The following MTMR3 variants were observed in gnomAD, a reference collection of about 807,000 sequenced individuals.
MTMR3 encodes phosphatidylinositol-3,5-bisphosphate 3-phosphatase MTMR3.
In MTMR3, 32 loss-of-function variants were observed where a neutral mutation model predicts 132.4. The ratio of observed to expected loss-of-function variants is 0.24; its 90% CI spans 0.18 to 0.32. MTMR3 has a LOEUF of 0.32. Among genes scored for constraint, MTMR3 ranks in the 10% least tolerant of loss-of-function variants. The pLI is 1.00. For synonymous variants in MTMR3, 556 were observed against 550.3 expected (o/e 1.01, Z -0.14); for missense variants, 1,216 against 1,489.6 (o/e 0.82, Z 3.02).
At chr22:30,023,679 T>A in intron 19 of MTMR3, 1 of 628,458 alleles carries the variant, frequency 1.6e-6, no homozygotes, top group Non-Finnish European at 2.9e-6. Context: ...GCTGCAGCCA[T>A]GTGCTCCCCT....
rs376731600 is a variant in MTMR3 at position 30,013,354 on chromosome 22, A to G, written c.1318-2A>G. On this transcript the variant is annotated splice_acceptor_variant, in intron 13 of 19. Transcript: ENST00000401950. LOFTEE classifies it high-confidence loss of function. The stretch of plus-strand genomic sequence containing the variant: ...TGGTCTCTCCTGGATGCTTCCCTGC[A>G]GGGTTTCCAGGTCCTCGTGGAAATG... 6.2e-7 allele frequency: 1 copy of G among 1,613,520 alleles called. No individual in the cohort carries two copies. Among genetic ancestry groups the G allele is most frequent in the Non-Finnish European group, 8.5e-7 (1 of 1,179,704 alleles).
rs577029170 is a variant in MTMR3, at chr22:29,916,054, T to A, written c.-138+32695T>A. ...TTTTCCTATCTTCTGTTCTTTTTGC[T>A]ATTGTCATACATTTTACTTTTGGAT... On this transcript the variant is annotated intron_variant, in intron 1 of 19. Transcript: ENST00000401950. Among the ~76,000 whole-genome samples, 150 of 152,374 alleles carry A rather than the reference T, an allele frequency of 9.8e-4. 1 individual carries two copies. The highest frequency in any genetic ancestry group is 3.5e-3 in the African/African-American group (144 of 41,590).
At chr22:29,939,613 C>T (rs1241912977) in intron 1 of MTMR3, among the ~76,000 whole-genome samples, 1 of 152,122 alleles carries the variant, frequency 6.6e-6, no homozygotes, top group Non-Finnish European at 1.5e-5. Context: ...TCAAGGTAGA[C>T]CTTAGTGACT....
At chr22:29,956,315 CG>C (rs1356221211) in intron 1 of MTMR3, among the ~76,000 whole-genome samples, 3 of 152,066 alleles carry the variant, frequency 2.0e-5, no homozygotes, top group Non-Finnish European at 4.4e-5. Flanking sequence ...GGCGTGATCT[CG>C]GCTCACTGAA....
In MTMR3 at chr22:30,013,206, A is replaced by G; in HGVS notation, c.1318-150A>G. Reference sequence around the variant, plus strand: ...GGAAATTTCCCTAAGTGTGTGCCTCATCAGGGATAGAGCCTTCCACCAAAG... The same window carrying G: ...GGAAATTTCCCTAAGTGTGTGCCTCGTCAGGGATAGAGCCTTCCACCAAAG... On this transcript the variant is annotated intron_variant, in intron 13 of 19. Transcript: ENST00000401950. 4.7e-6 allele frequency: 3 copies of G among 637,556 alleles called. No homozygotes were observed. In the East Asian group the frequency reaches 8.6e-5, roughly 18 times the overall value. 39.5% of individuals were successfully genotyped at this position (637,556 alleles called of 1,614,324 possible).
intron 14 of MTMR3, chr22:30,014,232 T>G (rs1045095361): frequency 3.9e-5 from 6 of 152,212 alleles, no homozygotes; most frequent in Non-Finnish European, 1.5e-5. Context: ...CAATCAGGCA[T>G]TCACCCCACT....
At chr22:29,884,366 C>T (rs2064622098) in intron 1 of MTMR3, among the ~76,000 whole-genome samples, 1 of 152,052 alleles carries the variant, frequency 6.6e-6, no homozygotes, top group Non-Finnish European at 1.5e-5. Context: ...GGTTGAATTA[C>T]AGGAGATTAT....
At position 30,008,036 on chromosome 22, in the gene MTMR3, A is replaced by G; in HGVS notation, c.1009+4A>G. ...GGAGGAGGCTGCGAATGCCCAGGTG[A>G]GGTGTATGGTGCTTTGTTCCCCATA... is the stretch of plus-strand genomic sequence containing the variant. On this transcript the variant is annotated splice_donor_region_variant and intron_variant, in intron 11 of 19. Transcript: ENST00000401950. 6.2e-6 allele frequency: 10 copies of G among 1,612,292 alleles called. No homozygotes were observed. The highest frequency in any genetic ancestry group is 6.8e-6 in the Non-Finnish European group (8 of 1,179,818).
intron 1 of MTMR3, among the ~76,000 whole-genome samples, chr22:29,955,541 T>C (rs2066171404): frequency 6.6e-6 from 1 of 152,212 alleles, no homozygotes; most frequent in Non-Finnish European, 1.5e-5. Flanking sequence ...GTCTTCATAC[T>C]AAATACAGTT....
chr22:29,978,866 C>A, intron 4 of MTMR3, 70 bp from the exon 5 acceptor site: 1 of 1,137,250 alleles, frequency 8.8e-7, no homozygotes, highest in South Asian at 1.3e-5. Context: ...ATCCATTCAG[C>A]CAACTGATGT....
At chr22:29,893,093 G>A (rs2064829322) in intron 1 of MTMR3, among the ~76,000 whole-genome samples, 1 of 152,138 alleles carries the variant, frequency 6.6e-6, no homozygotes, top group Non-Finnish European at 1.5e-5. Flanking sequence ...TACAGAGTAA[G>A]CTGTCAATAT....
chr22:29,934,239 A>C (rs1217383823), intron 1 of MTMR3, among the ~76,000 whole-genome samples: 2 of 152,124 alleles, frequency 1.3e-5, no homozygotes, highest in Admixed American at 6.5e-5. Context: ...CTGTAGACTC[A>C]GCTACTCCGG....
intron 1 of MTMR3, among the ~76,000 whole-genome samples, chr22:29,936,013 A>G (rs1016473729): frequency 1.3e-5 from 2 of 150,076 alleles, no homozygotes; most frequent in African/African-American, 4.9e-5. Flanking sequence ...TGGCCTCCCA[A>G]AGTGCTGGGT....
intron 8 of MTMR3, 71 bp from the exon 9 acceptor site, chr22:30,002,809 C>T (rs1297991993): frequency 8.6e-6 from 10 of 1,163,020 alleles, no homozygotes; most frequent in African/African-American, 1.5e-5. Context: ...CCTAGTGTCT[C>T]TCTCTCTCTC....
In MTMR3 at chr22:29,955,133, G is replaced by A. The variant is rs5763636; in HGVS notation, c.-137-1903G>A. 7.9e-5 allele frequency among the ~76,000 whole-genome samples: 12 copies of A among 152,244 alleles called. No homozygotes were observed. In the East Asian group the frequency reaches 2.3e-3, roughly 29 times the overall value. ...GCCTTCTGAGTAGCTAGGACCACAGGTGTGTACTGCTATGCCCAGCTTTTT... is the reference window on the plus strand; with the variant it reads ...GCCTTCTGAGTAGCTAGGACCACAGATGTGTACTGCTATGCCCAGCTTTTT... On this transcript the variant is annotated intron_variant, in intron 1 of 19. Coordinates refer to ENST00000401950, the MANE Select transcript of MTMR3 (RefSeq NM_021090.4).
chr22:29,946,920 C>A (rs1250202118), intron 1 of MTMR3, among the ~76,000 whole-genome samples: 1 of 151,990 alleles, frequency 6.6e-6, no homozygotes, highest in African/African-American at 2.4e-5. Flanking sequence ...ATAATATATA[C>A]CACGGCATGG....
chr22:29,968,343 T>G (rs1430531823), intron 2 of MTMR3, among the ~76,000 whole-genome samples: 1 of 152,250 alleles, frequency 6.6e-6, no homozygotes. Context: ...GATACAGCAG[T>G]TTGAATGTGT....
chr22:29,918,171 A>G (rs2065343800), intron 1 of MTMR3, among the ~76,000 whole-genome samples: 1 of 152,186 alleles, frequency 6.6e-6, no homozygotes, highest in African/African-American at 2.4e-5. Context: ...ATTTGGCATG[A>G]GATGAACCTG....
intron 1 of MTMR3, among the ~76,000 whole-genome samples, chr22:29,904,778 TAGC>T (rs1207253569): frequency 6.6e-6 from 1 of 151,940 alleles, no homozygotes; most frequent in Non-Finnish European, 1.5e-5. Flanking sequence ...GAGTTGATTT[TAGC>T]AGGAAGATGG....
Sources: allele counts gnomAD v4.1 joint callset (sites outside exome capture counted in the v4.1 genomes callset), GRCh38; gene constraint gnomAD v4.1.1; transcripts MANE v1.5; gene names NCBI Gene and HGNC (gene_info 2026-07-23, HGNC 2026-07-21).